The following ROBO1 variants were observed in gnomAD, a reference collection of about 807,000 sequenced individuals.
The protein encoded by ROBO1 is roundabout guidance receptor 1.
In ROBO1, 149 loss-of-function variants were observed where a neutral mutation model predicts 195.9. That is an observed-to-expected ratio of 0.76 (90% CI 0.67 to 0.87). The LOEUF (loss-of-function observed/expected upper bound fraction) is 0.87. Among genes scored for constraint, ROBO1 ranks in the 40% least tolerant of loss-of-function variants. ROBO1 has a pLI of 0.00. For synonymous variants in ROBO1, 816 were observed against 733.2 expected (o/e 1.11, Z -1.82); for missense variants, 1,933 against 2,068.3 (o/e 0.93, Z 1.27).
At chr3:79,574,631 T>C (rs1475366188) in intron 2 of ROBO1, among the ~76,000 whole-genome samples, 1 of 151,962 alleles carries the variant, frequency 6.6e-6, no homozygotes, top group Non-Finnish European at 1.5e-5. Flanking sequence ...CATATATACA[T>C]CTAAGGTTAT....
intron 4 of ROBO1, chr3:78,938,230 G>A: frequency 8.5e-6 from 2 of 236,126 alleles, no homozygotes; most frequent in East Asian, 1.1e-4. Flanking sequence ...GAACCCCTGG[G>A]CTCAAGCAAT....
intron 1 of ROBO1, among the ~76,000 whole-genome samples, chr3:79,717,283 T>G (rs985861963): frequency 1.3e-5 from 2 of 151,968 alleles, no homozygotes; most frequent in Non-Finnish European, 2.9e-5. Context: ...AGAATACAGT[T>G]TTATAGATAG....
chr3:79,158,341 C>T (rs1393952369), intron 2 of ROBO1, among the ~76,000 whole-genome samples: 3 of 147,904 alleles, frequency 2.0e-5, no homozygotes, highest in African/African-American at 5.2e-5. Context: ...TATTTACATA[C>T]AATAGTATGT....
At chr3:78,925,041 C>T (rs2039134583) in intron 4 of ROBO1, among the ~76,000 whole-genome samples, 1 of 151,256 alleles carries the variant, frequency 6.6e-6, no homozygotes, top group South Asian at 2.1e-4. Context: ...GTTGTCATGC[C>T]TTTTAATTGA....
At chr3:78,739,444 A>G (rs925755328) in intron 5 of ROBO1, among the ~76,000 whole-genome samples, 1 of 152,184 alleles carries the variant, frequency 6.6e-6, no homozygotes, top group Non-Finnish European at 1.5e-5. Context: ...TGGCTAACTC[A>G]CAATTTGGAC....
At chr3:78,793,943 G>A (rs953770885) in intron 4 of ROBO1, among the ~76,000 whole-genome samples, 1 of 152,062 alleles carries the variant, frequency 6.6e-6, no homozygotes, top group Non-Finnish European at 1.5e-5. Flanking sequence ...TATATTGACT[G>A]TAGAATTGTT....
chr3:79,526,366 C>T (rs1352155018), intron 2 of ROBO1: 1 of 152,126 alleles, frequency 6.6e-6, no homozygotes, highest in Non-Finnish European at 1.5e-5. Context: ...GTTTTGTTAC[C>T]ACATGACAAG....
chr3:79,708,816 G>C (rs1413113502), intron 1 of ROBO1, among the ~76,000 whole-genome samples: 1 of 152,156 alleles, frequency 6.6e-6, no homozygotes, highest in Non-Finnish European at 1.5e-5. Context: ...GCAGTGAGCT[G>C]TGATCGTGCC....
At chr3:79,719,546 A>G (rs1227942954) in intron 1 of ROBO1, among the ~76,000 whole-genome samples, 1 of 152,158 alleles carries the variant, frequency 6.6e-6, no homozygotes, top group East Asian at 1.9e-4. Context: ...AGCATTATCC[A>G]ATGTTGGTGG....
intron 1 of ROBO1, among the ~76,000 whole-genome samples, chr3:79,735,090 G>A (rs1282658664): frequency 6.6e-6 from 1 of 152,180 alleles, no homozygotes; most frequent in Non-Finnish European, 1.5e-5. Context: ...CATTACCTCT[G>A]AAAAAGCATA....
intron 2 of ROBO1, among the ~76,000 whole-genome samples, chr3:79,287,908 A>G (rs1018186344): frequency 6.6e-6 from 1 of 151,982 alleles, no homozygotes; most frequent in Non-Finnish European, 1.5e-5. Flanking sequence ...TATTTTTTAC[A>G]TATTATTGAT....
intron 3 of ROBO1, among the ~76,000 whole-genome samples, chr3:79,053,850 T>A (rs1358398696): frequency 6.6e-6 from 1 of 152,150 alleles, no homozygotes; most frequent in Non-Finnish European, 1.5e-5. Flanking sequence ...TGTGTGGGCT[T>A]ATCCGGTCAT....
chr3:78,819,771 C>T (rs2030665145), intron 4 of ROBO1, among the ~76,000 whole-genome samples: 1 of 152,130 alleles, frequency 6.6e-6, no homozygotes, highest in Non-Finnish European at 1.5e-5. Flanking sequence ...TTCTTGTCAT[C>T]ATGTAAAAAT....
At chr3:78,841,773 A>G (rs781203394) in intron 4 of ROBO1, among the ~76,000 whole-genome samples, 1 of 152,202 alleles carries the variant, frequency 6.6e-6, no homozygotes, top group Admixed American at 6.5e-5. Flanking sequence ...AACTCATACC[A>G]ATCAATAAGA....
At chr3:78,750,602 G>A (rs1459110175) in intron 4 of ROBO1, among the ~76,000 whole-genome samples, 1 of 151,878 alleles carries the variant, frequency 6.6e-6, no homozygotes, top group Non-Finnish European at 1.5e-5. Flanking sequence ...CTCAAAATAA[G>A]TAAACACGTT....
intron 2 of ROBO1, among the ~76,000 whole-genome samples, chr3:79,135,333 T>C (rs2108596410): frequency 6.6e-6 from 1 of 152,274 alleles, no homozygotes; most frequent in Admixed American, 6.5e-5. Flanking sequence ...TATCTGTAAC[T>C]CAGTAATCAA....
intron 3 of ROBO1, among the ~76,000 whole-genome samples, chr3:78,956,080 G>C (rs1006380891): frequency 2.0e-5 from 3 of 152,024 alleles, no homozygotes; most frequent in African/African-American, 7.2e-5. Flanking sequence ...AATTTGAAAG[G>C]TATTCCAAAT....
intron 2 of ROBO1, among the ~76,000 whole-genome samples, chr3:79,410,785 A>G (rs2037736613): frequency 6.6e-6 from 1 of 152,122 alleles, no homozygotes; most frequent in Non-Finnish European, 1.5e-5. Flanking sequence ...CAGCAGAGCA[A>G]GTGAAATCTC....
intron 2 of ROBO1, among the ~76,000 whole-genome samples, chr3:79,248,674 T>C (rs2082669022): frequency 6.6e-6 from 1 of 152,164 alleles, no homozygotes; most frequent in African/African-American, 2.4e-5. Context: ...AGTTAAGCTT[T>C]CGTTTTAATG....
Sources: gnomAD v4.1 joint callset for allele counts (sites outside exome capture counted in the v4.1 genomes callset) on GRCh38, gnomAD v4.1.1 for gene constraint, MANE v1.5 for transcripts, NCBI Gene and HGNC (gene_info 2026-07-23, HGNC 2026-07-21) for gene names.